CFHR2: variants seen among roughly 807,000 people sequenced by gnomAD.
CFHR2 encodes complement factor H related 2.
Under a neutral mutation model 21.7 loss-of-function variants are expected in CFHR2, and 22 were observed. The ratio of observed to expected loss-of-function variants is 1.01; its 90% CI spans 0.72 to 1.45. The LOEUF (loss-of-function observed/expected upper bound fraction) is 1.45, where lower values mean the gene tolerates loss of function less well. Ranked by LOEUF, CFHR2 falls within the 40% of genes most tolerant of loss-of-function variation. The pLI is 0.00. For synonymous variants in CFHR2, 98 were observed against 97.4 expected (o/e 1.01, Z -0.04); for missense variants, 294 against 293.3 (o/e 1.00, Z -0.02).
chr1:196,949,206 G>A (rs1409231845), intron 1 of CFHR2, among the ~76,000 whole-genome samples: 1 of 152,106 alleles, frequency 6.6e-6, no homozygotes, highest in Non-Finnish European at 1.5e-5. Context: ...AGACATTGCA[G>A]GAGAGTTCAT....
chr1:196,952,801 A>G (rs148264773), intron 3 of CFHR2, among the ~76,000 whole-genome samples: 2 of 152,368 alleles, frequency 1.3e-5, no homozygotes, highest in African/African-American at 2.4e-5. Context: ...TAAGTTGCCA[A>G]AATAAACTTG....
At chr1:196,946,413 C>A (rs1314134972) in intron 1 of CFHR2, among the ~76,000 whole-genome samples, 1 of 151,988 alleles carries the variant, frequency 6.6e-6, no homozygotes, top group African/African-American at 2.4e-5. Context: ...TTTATGTTGA[C>A]CTTTTTACTT....
chr1:196,944,632 C>T (rs1571478175), intron 1 of CFHR2, among the ~76,000 whole-genome samples: 1 of 152,012 alleles, frequency 6.6e-6, no homozygotes, highest in East Asian at 1.9e-4. Flanking sequence ...AAAATCTCTA[C>T]CAAGGTCTAG....
Position 196,956,377 on chromosome 1 carries a change from C to T in CFHR2, c.431-1514C>T, listed in dbSNP as rs149870089. Reference sequence around the variant, plus strand: ...TATGAGAAAAATATTGTATAGTATTCGTTAGTTCTACATGTCACTATTAGT... The same window carrying T: ...TATGAGAAAAATATTGTATAGTATTTGTTAGTTCTACATGTCACTATTAGT... On this transcript the variant is annotated intron_variant, in intron 3 of 4. Coordinates refer to ENST00000367415, the MANE Select transcript of CFHR2 (RefSeq NM_005666.4). Among the ~76,000 whole-genome samples, 1,344 of 152,218 alleles carry T rather than the reference C, an allele frequency of 8.8e-3. 16 individuals carry two copies. The highest frequency in any genetic ancestry group is 0.031 in the African/African-American group (1,273 of 41,534).
intron 3 of CFHR2, among the ~76,000 whole-genome samples, chr1:196,952,741 T>C (rs1280047221): frequency 6.6e-6 from 1 of 152,262 alleles, no homozygotes; most frequent in Non-Finnish European, 1.5e-5. Flanking sequence ...GAATCAACCA[T>C]ACCTCCAATA....
intron 1 of CFHR2, among the ~76,000 whole-genome samples, chr1:196,948,859 A>C (rs1335582956): frequency 6.6e-6 from 1 of 152,176 alleles, no homozygotes; most frequent in East Asian, 1.9e-4. Context: ...ATTTAGCTCT[A>C]ACTTTATCTT....
chr1:196,957,397 G>T (rs66511405), intron 3 of CFHR2, among the ~76,000 whole-genome samples: 1 of 149,304 alleles, frequency 6.7e-6, no homozygotes, highest in African/African-American at 2.5e-5. Flanking sequence ...CTTAGCATAA[G>T]GAAAAGGTAG....
intron 3 of CFHR2, among the ~76,000 whole-genome samples, chr1:196,955,548 A>G (rs1479412682): frequency 1.3e-5 from 2 of 152,150 alleles, no homozygotes; most frequent in African/African-American, 4.8e-5. Context: ...CCTGGGTAAT[A>G]TATCAGTAAA....
At chr1:196,957,758 T>G (rs1456344535) in intron 3 of CFHR2, 133 bp from the exon 4 acceptor site, 3 of 767,354 alleles carry the variant, frequency 3.9e-6, no homozygotes, top group African/African-American at 3.5e-5. Flanking sequence ...GGATAAATTT[T>G]ACTCCGGGAA....
rs573722442 is a variant in CFHR2 at position 196,954,804 on chromosome 1, C to T, written c.431-3087C>T. ...GCTATATGTTGGCCCCATTTAGCCA[C>T]GGCTGGAGCTGGAGCAGCTAGGACT... is the stretch of plus-strand genomic sequence containing the variant. On this transcript the variant is annotated intron_variant, in intron 3 of 4. Transcript: ENST00000367415. Among the ~76,000 whole-genome samples, 4 of 152,338 alleles carry T rather than the reference C, an allele frequency of 2.6e-5. No homozygotes were observed. The South Asian group carries it at 6.2e-4, about 24-fold the overall frequency.
At chr1:196,952,458 T>G (rs1210729473) in intron 3 of CFHR2, among the ~76,000 whole-genome samples, 2 of 152,108 alleles carry the variant, frequency 1.3e-5, no homozygotes, top group Non-Finnish European at 2.9e-5. Context: ...AGTGATTGAA[T>G]AGGGTTTAGG....
intron 1 of CFHR2, among the ~76,000 whole-genome samples, chr1:196,948,108 A>G (rs1342708577): frequency 6.6e-6 from 1 of 152,138 alleles, no homozygotes; most frequent in Non-Finnish European, 1.5e-5. Flanking sequence ...ATATGGATGT[A>G]TATATACATA....
chr1:196,959,531 G>A lies in CFHR2; in HGVS notation c.*451G>A, dbSNP rs1162833875. ...ATCTAGACGTTACCCCAGGTATCTTGAAATGTCAATTCCTAACAGTCACAG... is the reference window on the plus strand; with the variant it reads ...ATCTAGACGTTACCCCAGGTATCTTAAAATGTCAATTCCTAACAGTCACAG... On this transcript the variant is annotated 3_prime_UTR_variant, in exon 5 of 5. Transcript: ENST00000367415. 6.6e-6 allele frequency among the ~76,000 whole-genome samples: 1 copy of A among 151,954 alleles called. No homozygotes were observed. Among genetic ancestry groups the A allele is most frequent in the Non-Finnish European group, 1.5e-5 (1 of 67,906 alleles).
intron 1 of CFHR2, among the ~76,000 whole-genome samples, chr1:196,944,772 C>G (rs1408839193): frequency 6.6e-6 from 1 of 151,922 alleles, no homozygotes; most frequent in East Asian, 1.9e-4. Context: ...TTTATTTGAA[C>G]AGTTTCTCAT....
chr1:196,951,009 T>C lies in CFHR2; in HGVS notation c.411T>C (p.Pro137=). 2 of 1,613,706 alleles carry C rather than the reference T, an allele frequency of 1.2e-6. No homozygotes were observed. The highest frequency in any genetic ancestry group is 1.7e-6 in the Non-Finnish European group (2 of 1,179,898). The stretch of plus-strand genomic sequence containing the variant: ...GTGTAGAACGGGGCTGGTCCACTCC[T>C]CCCAAATGCAGGTCCACTAGTAAGT... ...ISCVERGWST[P]PKCRSTISAE... Residue 137 remains proline (P), a synonymous_variant, in exon 3 of 5, where the codon CCT becomes CCC. Coordinates refer to ENST00000367415, the MANE Select transcript of CFHR2 (RefSeq NM_005666.4).
In CFHR2 at chr1:196,949,602, G is replaced by T. The variant is rs144596551; in HGVS notation, c.206G>T (p.Arg69Leu). 208 of 1,613,968 alleles carry T rather than the reference G, an allele frequency of 1.3e-4. No individual in the cohort carries two copies. In the African/African-American group the frequency reaches 2.3e-3, roughly 18 times the overall value. ...FVSPSKSFWT[R>L]ITCAEEGWSP... The stretch of plus-strand genomic sequence containing the variant: ...TCTCCTTCAAAATCCTTTTGGACTC[G>T]CATAACGTGCGCAGAAGAAGGATGG... The change falls in exon 2 of 5, where the codon CGC becomes CTC. Residue 69 changes from arginine (R) to leucine (L), a missense_variant. By Grantham distance (102) the Arg-to-Leu change is moderately radical. Transcript: ENST00000367415.
At chr1:196,948,017 G>A (rs1328875196) in intron 1 of CFHR2, among the ~76,000 whole-genome samples, 1 of 152,032 alleles carries the variant, frequency 6.6e-6, no homozygotes, top group Admixed American at 6.6e-5. Context: ...ATATATGAAT[G>A]TGTACACAAA....
At chr1:196,953,895 G>A (rs1315303621) in intron 3 of CFHR2, among the ~76,000 whole-genome samples, 1 of 151,920 alleles carries the variant, frequency 6.6e-6, no homozygotes, top group Non-Finnish European at 1.5e-5. Flanking sequence ...CAATTATGTA[G>A]TTTACATAAG....
rs988029404 is a variant in CFHR2 at position 196,947,469 on chromosome 1, G to A, written c.59-1986G>A. Among the ~76,000 whole-genome samples, 140 of 152,228 alleles carry A rather than the reference G, an allele frequency of 9.2e-4. 1 individual carries two copies. Among genetic ancestry groups the A allele is most frequent in the African/African-American group, 3.1e-3 (130 of 41,540 alleles). On this transcript the variant is annotated intron_variant, in intron 1 of 4. Coordinates refer to ENST00000367415, the MANE Select transcript of CFHR2 (RefSeq NM_005666.4). ...AGGATAACTAAAAGAGTTATGGTAG[G>A]TTAATACTATCAAGATGGGAGTCTT...
Sources: gnomAD v4.1 joint callset for allele counts (sites outside exome capture counted in the v4.1 genomes callset) on GRCh38, gnomAD v4.1.1 for gene constraint, MANE v1.5 for transcripts, NCBI Gene and HGNC (gene_info 2026-07-23, HGNC 2026-07-21) for gene names.